FAM135A: variants seen among roughly 807,000 people sequenced by gnomAD.
FAM135A encodes the protein protein FAM135A.
In FAM135A, 79 loss-of-function variants were observed where a neutral mutation model predicts 146.8. The observed-to-expected ratio is 0.54, with a 90% confidence interval of 0.45 to 0.65. The LOEUF (loss-of-function observed/expected upper bound fraction) is 0.65, where lower values mean the gene tolerates loss of function less well. FAM135A is among the 30% of genes least tolerant of loss of function. The probability of loss-of-function intolerance (pLI) is 0.00; values close to 1 mark genes in which losing one functional copy is unlikely to be tolerated. For synonymous variants in FAM135A, 562 were observed against 603.6 expected, an observed-to-expected ratio of 0.93 and a Z score of 1.01; for missense variants, 1,623 against 1,758.2, an observed-to-expected ratio of 0.92 and a Z score of 1.38.
intron 9 of FAM135A, 98 bp downstream of exon 9, chr6:70,481,125 T>G: frequency 6.9e-6 from 8 of 1,155,908 alleles, no homozygotes; most frequent in Non-Finnish European, 9.3e-6. Flanking sequence ...TTAAATTATT[T>G]CAGCTCAGCA....
chr6:70,419,647 C>G (rs1316046488), intron 2 of FAM135A, among the ~76,000 whole-genome samples: 1 of 152,160 alleles, frequency 6.6e-6, no homozygotes. Flanking sequence ...CGGTTGGTCT[C>G]AGATCTGGAA....
intron 11 of FAM135A, among the ~76,000 whole-genome samples, chr6:70,491,310 A>G (rs1785927450): frequency 6.6e-6 from 1 of 152,026 alleles, no homozygotes; most frequent in African/African-American, 2.4e-5. Flanking sequence ...TAAATGAAAT[A>G]GCAAAGATAA....
chr6:70,487,651 A>G (rs1464784222), intron 10 of FAM135A, among the ~76,000 whole-genome samples: 1 of 152,166 alleles, frequency 6.6e-6, no homozygotes, highest in African/African-American at 2.4e-5. Flanking sequence ...TTCTTTCTGG[A>G]ACATAGTATT....
In FAM135A at chr6:70,499,613, T is replaced by G. The variant is rs28809605; in HGVS notation, c.874-3023T>G. Among the ~76,000 whole-genome samples the G allele has an allele frequency of 3.0e-3, 455 of 152,318 alleles. 13 individuals are homozygous for G. In the East Asian group the frequency reaches 0.078, roughly 26 times the overall value. On this transcript the variant is annotated intron_variant, in intron 11 of 21. Coordinates refer to ENST00000418814, the MANE Select transcript of FAM135A (RefSeq NM_001162529.3). ...TATTTTGGTGTGTTTTTACAGTGGC[T>G]GGTACCGGTTTTCCTTTACATATTT...
chr6:70,475,808 C>T (rs896019685), intron 7 of FAM135A, 75 bp downstream of exon 7: 3 of 1,189,206 alleles, frequency 2.5e-6, no homozygotes, highest in Non-Finnish European at 3.6e-6. Context: ...GCCCATTTTC[C>T]TCTTAAAATT....
intron 20 of FAM135A, among the ~76,000 whole-genome samples, chr6:70,540,419 A>G (rs937328070): frequency 7.0e-6 from 1 of 143,606 alleles, no homozygotes; most frequent in African/African-American, 2.6e-5. Flanking sequence ...CCGCCTCCCG[A>G]GTTCACACCA....
At position 70,475,551 on chromosome 6, in the gene FAM135A, T is replaced by TAAAC. The variant is rs772674632; in HGVS notation, c.297+4_297+7dup. 1.3e-6 allele frequency: 2 copies of TAAAC among 1,585,666 alleles called. No individual in the cohort carries two copies. The highest frequency in any genetic ancestry group is 8.6e-7 in the Non-Finnish European group (1 of 1,165,238). ...AAAATGCTATTGGATGAAAGAAAGG[T>TAAAC]AAACATCTCTTCATATTTATTTATG... On this transcript the variant is annotated splice_region_variant and intron_variant, in intron 6 of 21. Transcript: ENST00000418814.
chr6:70,428,715 T>C (rs1331837112), intron 4 of FAM135A, among the ~76,000 whole-genome samples: 3 of 152,230 alleles, frequency 2.0e-5, no homozygotes, highest in African/African-American at 7.2e-5. Flanking sequence ...TATAGTATAA[T>C]GGGAAAAAAT....
rs544848772 is a variant in FAM135A at position 70,559,106 on chromosome 6, G to A, written c.4343-610G>A. 2.6e-5 allele frequency among the ~76,000 whole-genome samples: 4 copies of A among 152,286 alleles called. No homozygotes were observed. The South Asian group carries it at 8.3e-4, about 32-fold the overall frequency. Reference sequence around the variant, plus strand: ...GAGTTATAAGTGACTTAACATTAAAGAAAACTATTTCTTTGTTATAGGCAT... The same window carrying A: ...GAGTTATAAGTGACTTAACATTAAAAAAAACTATTTCTTTGTTATAGGCAT... On this transcript the variant is annotated intron_variant, in intron 21 of 21. Coordinates refer to ENST00000418814, the MANE Select transcript of FAM135A (RefSeq NM_001162529.3).
At chr6:70,532,701 GGCC>G (rs1796052149) in intron 16 of FAM135A, among the ~76,000 whole-genome samples, 2 of 152,194 alleles carry the variant, frequency 1.3e-5, no homozygotes, top group African/African-American at 2.4e-5. Flanking sequence ...GGGAGGCCAA[GGCC>G]AGCGGATCAC....
chr6:70,559,682 G>T, intron 21 of FAM135A, 34 bp from the exon 22 acceptor site: 1 of 1,537,566 alleles, frequency 6.5e-7, no homozygotes. Flanking sequence ...TTACTATTGT[G>T]AACTAATTTT....
At chr6:70,463,421 A>T in intron 5 of FAM135A, among the ~76,000 whole-genome samples, 2 of 145,954 alleles carry the variant, frequency 1.4e-5, no homozygotes, top group Admixed American at 6.9e-5. Flanking sequence ...GGCCTAATTA[A>T]AAAAAAAAAA....
At chr6:70,447,304 G>A (rs1326614895) in intron 4 of FAM135A, among the ~76,000 whole-genome samples, 3 of 152,084 alleles carry the variant, frequency 2.0e-5, no homozygotes, top group African/African-American at 7.2e-5. Flanking sequence ...CCCACATATG[G>A]CACAATCAGG....
intron 20 of FAM135A, among the ~76,000 whole-genome samples, chr6:70,555,414 A>C (rs1800642785): frequency 6.6e-6 from 1 of 152,016 alleles, no homozygotes; most frequent in Non-Finnish European, 1.5e-5. Context: ...GTTATGCAGC[A>C]CCACACCTGG....
intron 11 of FAM135A, among the ~76,000 whole-genome samples, chr6:70,491,688 G>C (rs1213712801): frequency 6.6e-6 from 1 of 151,824 alleles, no homozygotes; most frequent in African/African-American, 2.4e-5. Context: ...GTTCAAAAAG[G>C]TATTCTCCTT....
At chr6:70,425,319 A>G (rs1769817367) in intron 2 of FAM135A, among the ~76,000 whole-genome samples, 1 of 152,146 alleles carries the variant, frequency 6.6e-6, no homozygotes, top group African/African-American at 2.4e-5. Context: ...CTTAGAATCA[A>G]AACCAGAACA....
intron 5 of FAM135A, among the ~76,000 whole-genome samples, chr6:70,467,470 G>A (rs922596495): frequency 6.6e-6 from 1 of 151,906 alleles, no homozygotes; most frequent in Non-Finnish European, 1.5e-5. Flanking sequence ...TTCTTAATTT[G>A]TTAACAATTA....
intron 20 of FAM135A, among the ~76,000 whole-genome samples, chr6:70,540,621 G>A (rs1285699805): frequency 1.3e-5 from 2 of 152,022 alleles, no homozygotes; most frequent in African/African-American, 2.4e-5. Context: ...CACCGCACCT[G>A]GCTAATTCCT....
At chr6:70,435,669 G>A (rs770272048) in intron 4 of FAM135A, among the ~76,000 whole-genome samples, 3 of 152,012 alleles carry the variant, frequency 2.0e-5, no homozygotes, top group African/African-American at 4.8e-5. Flanking sequence ...ACAGGCATGC[G>A]TCACCATGCC....
Sources: gnomAD v4.1 joint callset for allele counts (sites outside exome capture counted in the v4.1 genomes callset) on GRCh38, gnomAD v4.1.1 for gene constraint, MANE v1.5 for transcripts, NCBI Gene and HGNC (gene_info 2026-07-23, HGNC 2026-07-21) for gene names.